Variants in C12orf42 observed in about 807,000 individuals in gnomAD.
C12orf42 encodes uncharacterized protein C12orf42.
C12orf42 carries 25 observed loss-of-function variants against 21.6 expected under a neutral mutation model. That is an observed-to-expected ratio of 1.16 (90% CI 0.84 to 1.62). C12orf42 has a LOEUF of 1.62. Ranked by LOEUF, C12orf42 falls within the 40% of genes most tolerant of loss-of-function variation. The pLI is 0.00. For synonymous variants in C12orf42, 174 were observed against 175.0 expected, an observed-to-expected ratio of 0.99 and a Z score of 0.05; for missense variants, 483 against 459.3, an observed-to-expected ratio of 1.05 and a Z score of -0.47.
the C12orf42 span, among the ~76,000 whole-genome samples, chr12:103,229,301 A>G: frequency 6.6e-6 from 1 of 152,180 alleles, no homozygotes; most frequent in Non-Finnish European, 1.5e-5. Context: ...GAAATGTATT[A>G]TTTCACATAG....
chr12:103,379,035 C>T (rs377142853), intron 3 of C12orf42, among the ~76,000 whole-genome samples: 13 of 151,956 alleles, frequency 8.6e-5, no homozygotes, highest in South Asian at 2.1e-4. Flanking sequence ...CTTAGGTCTC[C>T]ACCACCCACA....
At chr12:103,200,081 A>G in the C12orf42 span, among the ~76,000 whole-genome samples, 50 of 152,324 alleles carry the variant, frequency 3.3e-4, no homozygotes, top group African/African-American at 1.2e-3. Context: ...AAACAGTCTA[A>G]ATGTCCATTA....
intron 10 of C12orf42, among the ~76,000 whole-genome samples, chr12:103,242,460 T>G (rs891395447): frequency 6.6e-6 from 1 of 152,164 alleles, no homozygotes; most frequent in South Asian, 2.1e-4. Context: ...GAACGAAAAG[T>G]TTATTGGTCT....
At chr12:103,075,422 A>G in the C12orf42 span, among the ~76,000 whole-genome samples, 1 of 152,196 alleles carries the variant, frequency 6.6e-6, no homozygotes, top group African/African-American at 2.4e-5. Flanking sequence ...CAAATAGTAG[A>G]CACTTGCCAA....
chr12:103,187,823 C>A, the C12orf42 span, among the ~76,000 whole-genome samples: 1 of 152,160 alleles, frequency 6.6e-6, no homozygotes, highest in African/African-American at 2.4e-5. Flanking sequence ...CTAGCTACAC[C>A]TTTAATGGCA....
the C12orf42 span, among the ~76,000 whole-genome samples, chr12:103,063,913 A>G: frequency 9.2e-5 from 14 of 152,294 alleles, no homozygotes; most frequent in South Asian, 2.9e-3. Context: ...TGGGTCCACT[A>G]AGTAGCGACT....
chr12:103,510,861 C>A, the C12orf42 span, among the ~76,000 whole-genome samples: 2 of 152,184 alleles, frequency 1.3e-5, no homozygotes, highest in Non-Finnish European at 2.9e-5. Flanking sequence ...GCACAGGCTA[C>A]AATCCTCTTT....
the C12orf42 span, chr12:103,558,708 G>T: frequency 6.6e-6 from 1 of 152,004 alleles, no homozygotes; most frequent in Non-Finnish European, 1.5e-5. Flanking sequence ...TTATCCCTAC[G>T]GTGGGCCAGG....
the C12orf42 span, among the ~76,000 whole-genome samples, chr12:103,165,109 C>A: frequency 1.3e-5 from 2 of 152,182 alleles, no homozygotes; most frequent in African/African-American, 4.8e-5. Context: ...TCCTGGAGAA[C>A]CCCCATGCTC....
chr12:103,494,698 G>T (rs1208911186), intron 1 of C12orf42, among the ~76,000 whole-genome samples: 5 of 152,082 alleles, frequency 3.3e-5, no homozygotes, highest in Non-Finnish European at 4.4e-5. Flanking sequence ...TTTTAAGTAG[G>T]CCCGGCAATG....
chr12:103,482,372 C>T (rs1954532787), intron 1 of C12orf42, among the ~76,000 whole-genome samples: 1 of 152,048 alleles, frequency 6.6e-6, no homozygotes, highest in Non-Finnish European at 1.5e-5. Context: ...AGGTATTATT[C>T]CACCATCTTA....
intron 4 of C12orf42, among the ~76,000 whole-genome samples, chr12:103,289,041 T>C (rs2036637443): frequency 6.6e-6 from 1 of 152,164 alleles, no homozygotes; most frequent in Non-Finnish European, 1.5e-5. Context: ...TTAATAGAAA[T>C]ACATAAAAGA....
intron 2 of C12orf42, among the ~76,000 whole-genome samples, chr12:103,465,320 T>C (rs942454816): frequency 2.6e-5 from 4 of 152,226 alleles, no homozygotes; most frequent in Admixed American, 2.0e-4. Flanking sequence ...TTCACTTCCC[T>C]TGTTAGCTGT....
intron 2 of C12orf42, among the ~76,000 whole-genome samples, chr12:103,434,585 C>G (rs1315967989): frequency 1.3e-5 from 2 of 152,172 alleles, no homozygotes; most frequent in Non-Finnish European, 2.9e-5. Flanking sequence ...ATTGCCTCAC[C>G]TGGGAAGCAC....
intron 4 of C12orf42, among the ~76,000 whole-genome samples, chr12:103,356,183 A>T (rs912229103): frequency 2.0e-5 from 3 of 151,812 alleles, no homozygotes; most frequent in Non-Finnish European, 4.4e-5. Context: ...CCTCCCTTTT[A>T]TGCCTCCTCC....
the C12orf42 span, among the ~76,000 whole-genome samples, chr12:103,543,985 C>T: frequency 6.6e-6 from 1 of 151,804 alleles, no homozygotes; most frequent in Non-Finnish European, 1.5e-5. Context: ...GTTCCACCTC[C>T]CGGGTTCACA....
At chr12:103,339,096 T>C (rs2137196003) in intron 4 of C12orf42, among the ~76,000 whole-genome samples, 1 of 152,360 alleles carries the variant, frequency 6.6e-6, no homozygotes, top group African/African-American at 2.4e-5. Context: ...TTTCCTTTTC[T>C]TAACCTTCAC....
the C12orf42 span, among the ~76,000 whole-genome samples, chr12:103,053,768 T>A: frequency 1.4e-4 from 21 of 151,946 alleles, no homozygotes; most frequent in Non-Finnish European, 2.5e-4. Context: ...TTAAGTTAAA[T>A]TTTGTACAAG....
chr12:103,299,264 C>G (rs966566461), downstream of C12orf42, among the ~76,000 whole-genome samples: 21 of 151,800 alleles, frequency 1.4e-4, no homozygotes, highest in Admixed American at 7.9e-4. Context: ...GTAACTACTT[C>G]GTGAAGCCAT....
Sources: allele counts gnomAD v4.1 joint callset (sites outside exome capture counted in the v4.1 genomes callset), GRCh38; gene constraint gnomAD v4.1.1; transcripts MANE v1.5; gene names NCBI Gene and HGNC (gene_info 2026-07-23, HGNC 2026-07-21).